Variants in PSMA1 observed in about 807,000 individuals in gnomAD.
The protein encoded by PSMA1 is proteasome 20S subunit alpha 1, also known as proteasome subunit alpha type-1.
A neutral mutation model predicts 38.4 loss-of-function variants in PSMA1; 3 were observed. That is an observed-to-expected ratio of 0.08 (90% CI 0.04 to 0.20). The LOEUF (loss-of-function observed/expected upper bound fraction) is 0.20. Among genes scored for constraint, PSMA1 ranks in the 10% least tolerant of loss-of-function variants. The pLI, the probability that PSMA1 is intolerant of heterozygous loss-of-function variation, is 1.00. For missense variants in PSMA1, 227 were observed against 325.3 expected (o/e 0.70, Z 2.32); for synonymous variants, 101 against 107.1 (o/e 0.94, Z 0.35).
intron 1 of PSMA1, among the ~76,000 whole-genome samples, chr11:14,626,698 T>C (rs139007336): frequency 6.6e-6 from 1 of 152,336 alleles, no homozygotes; most frequent in African/African-American, 2.4e-5. Context: ...AAAGTTCAAG[T>C]GTAACAGAGC....
At chr11:14,543,801 G>GA (rs985226837) in intron 2 of PSMA1, among the ~76,000 whole-genome samples, 1 of 152,010 alleles carries the variant, frequency 6.6e-6, no homozygotes, top group African/African-American at 2.4e-5. Context: ...ATAATGATGA[G>GA]AAAAAAATAT....
chr11:14,597,471 G>A (rs928595470), intron 2 of PSMA1, among the ~76,000 whole-genome samples: 1 of 152,136 alleles, frequency 6.6e-6, no homozygotes, highest in African/African-American at 2.4e-5. Context: ...GTTTAGTCTT[G>A]GGAGGGTGTA....
rs772662026 is a variant in PSMA1 at position 14,510,958 on chromosome 11, GTAA to G, written c.545-10_545-8del. 8.6e-6 allele frequency: 13 copies of G among 1,518,552 alleles called. No homozygotes were observed. Among genetic ancestry groups the G allele is most frequent in the African/African-American group, 1.4e-5 (1 of 71,908 alleles). The allele number at this position is 1,518,552 out of a possible 1,614,324, so 94.1% of individuals were successfully genotyped here. ...ACTAGTTCATTTAAATTACCTATAT[GTAA>G]TAAATTAACAATTATTTCTTAATTT... On this transcript the variant is annotated splice_polypyrimidine_tract_variant and splice_region_variant and intron_variant, in intron 7 of 9. Coordinates refer to ENST00000396394, the MANE Select transcript of PSMA1 (RefSeq NM_002786.4).
chr11:14,570,071 C>A (rs923306023), intron 2 of PSMA1, among the ~76,000 whole-genome samples: 2 of 152,206 alleles, frequency 1.3e-5, no homozygotes, highest in African/African-American at 2.4e-5. Context: ...GTTCTGCCGC[C>A]TCCACTGGTG....
intron 2 of PSMA1, among the ~76,000 whole-genome samples, chr11:14,585,452 A>C (rs760970175): frequency 6.6e-6 from 1 of 152,374 alleles, no homozygotes; most frequent in Admixed American, 6.5e-5. Flanking sequence ...AACATTGTGA[A>C]GGATGAGTCA....
chr11:14,528,961 C>T (rs1275036878), intron 2 of PSMA1, among the ~76,000 whole-genome samples: 1 of 152,054 alleles, frequency 6.6e-6, no homozygotes, highest in East Asian at 1.9e-4. Flanking sequence ...CCGTTGCTGA[C>T]TCTCTTTTCG....
At chr11:14,551,299 C>A (rs1253259899) in intron 2 of PSMA1, among the ~76,000 whole-genome samples, 2 of 151,938 alleles carry the variant, frequency 1.3e-5, no homozygotes, top group African/African-American at 4.8e-5. Context: ...GAAGGCTAAC[C>A]CAAAAGCAAA....
chr11:14,570,995 A>C (rs1421179091), intron 2 of PSMA1, among the ~76,000 whole-genome samples: 3 of 152,234 alleles, frequency 2.0e-5, no homozygotes, highest in African/African-American at 7.2e-5. Context: ...ATCATACTCC[A>C]ACAGCAGATC....
At chr11:14,595,910 A>G (rs977349032) in intron 2 of PSMA1, among the ~76,000 whole-genome samples, 2 of 152,104 alleles carry the variant, frequency 1.3e-5, no homozygotes, top group East Asian at 3.8e-4. Flanking sequence ...ATCTTGAATT[A>G]ATTTTTGTAT....
chr11:14,640,688 A>G (rs1037631737), intron 1 of PSMA1, among the ~76,000 whole-genome samples: 5 of 152,336 alleles, frequency 3.3e-5, no homozygotes, highest in Middle Eastern at 3.4e-3. Context: ...ACAGAAAACA[A>G]TGATCCTTTC....
chr11:14,547,730 C>G (rs1392755064), intron 2 of PSMA1, among the ~76,000 whole-genome samples: 1 of 152,082 alleles, frequency 6.6e-6, no homozygotes, highest in Non-Finnish European at 1.5e-5. Flanking sequence ...GGATAGGTAG[C>G]CAAACATCCA....
upstream of PSMA1, chr11:14,520,491 C>G (rs1478961173): frequency 4.2e-6 from 6 of 1,443,798 alleles, no homozygotes; most frequent in East Asian, 5.0e-5. Flanking sequence ...TCCGACCGCT[C>G]GGCGGCGGGC....
At chr11:14,617,695 A>ATGTGTGTGTGTG (rs1327545879) in intron 1 of PSMA1, among the ~76,000 whole-genome samples, 4 of 146,214 alleles carry the variant, frequency 2.7e-5, no homozygotes, top group African/African-American at 1.0e-4. Context: ...GTATATATAT[A>ATGTGTGTGTGTG]TATGTGTGTG....
In PSMA1 at chr11:14,580,887, T is replaced by G. The variant is rs1473945728; in HGVS notation, c.21+30079A>C. Among the ~76,000 whole-genome samples, 7 of 152,318 alleles carry G rather than the reference T, an allele frequency of 4.6e-5. No individual in the cohort carries two copies. In the East Asian group the frequency reaches 1.4e-3, roughly 29 times the overall value. On this transcript the variant is annotated intron_variant, in intron 2 of 10. Transcript: ENST00000418988. ...GGAGCCCTCAGTTCATTCTCCCATC[T>G]TCAGCATGGAAACTACTGAAGTGGA... is the stretch of plus-strand genomic sequence containing the variant.
At chr11:14,587,255 G>C (rs1380027447) in intron 2 of PSMA1, among the ~76,000 whole-genome samples, 1 of 152,080 alleles carries the variant, frequency 6.6e-6, no homozygotes, top group African/African-American at 2.4e-5. Context: ...GACTGGAAAC[G>C]GGAAGAGAGA....
At chr11:14,591,635 C>T (rs922161521) in intron 2 of PSMA1, among the ~76,000 whole-genome samples, 1 of 152,174 alleles carries the variant, frequency 6.6e-6, no homozygotes, top group Non-Finnish European at 1.5e-5. Flanking sequence ...CCAATCGACA[C>T]TCTGTATCTA....
At chr11:14,521,298 C>CAATAATAAT (rs1225881734), upstream of PSMA1, among the ~76,000 whole-genome samples, 57 of 135,998 alleles carry the variant, frequency 4.2e-4, no homozygotes, top group Admixed American at 9.1e-4. Context: ...CTCGTCGCTA[C>CAATAATAAT]AATAATAATA....
chr11:14,615,128 T>A (rs772122786), intron 1 of PSMA1, among the ~76,000 whole-genome samples: 30 of 152,256 alleles, frequency 2.0e-4, no homozygotes, highest in Non-Finnish European at 3.5e-4. Flanking sequence ...TTGACAATGC[T>A]ATCCTTTTGC....
At chr11:14,508,804 C>G (rs1415543013) in intron 8 of PSMA1, among the ~76,000 whole-genome samples, 2 of 152,120 alleles carry the variant, frequency 1.3e-5, no homozygotes, top group Non-Finnish European at 2.9e-5. Flanking sequence ...TTGTCAGGTC[C>G]TCAGTGACAA....
Sources: allele counts gnomAD v4.1 joint callset (sites outside exome capture counted in the v4.1 genomes callset), GRCh38; gene constraint gnomAD v4.1.1; transcripts MANE v1.5; gene names NCBI Gene and HGNC (gene_info 2026-07-23, HGNC 2026-07-21).